Variants in GOSR2 observed in about 807,000 individuals in gnomAD.
The protein encoded by GOSR2 is golgi SNAP receptor complex member 2.
GOSR2 carries 20 observed loss-of-function variants against 27.9 expected under a neutral mutation model. The observed-to-expected ratio is 0.72, with a 90% CI of 0.50 to 1.04. GOSR2 has a LOEUF of 1.04. Ranked by LOEUF, GOSR2 falls within the 50% of genes least tolerant of loss-of-function variation. GOSR2 has a pLI of 0.00. For missense variants in GOSR2, 261 were observed against 270.5 expected (o/e 0.97, Z 0.25); for synonymous variants, 91 against 98.8 (o/e 0.92, Z 0.47).
At chr17:46,967,589 G>C (rs1317447464), downstream of GOSR2, among the ~76,000 whole-genome samples, 2 of 152,202 alleles carry the variant, frequency 1.3e-5, no homozygotes, top group Admixed American at 1.3e-4. Flanking sequence ...TGTGAACTCT[G>C]CAGTGTTCTC....
At chr17:46,935,452 C>G in intron 5 of GOSR2, 1 of 1,397,540 alleles carries the variant, frequency 7.2e-7, no homozygotes, top group East Asian at 2.6e-5. Context: ...AGTGCTACTA[C>G]GAGGGGTCCA....
intron 6 of GOSR2, among the ~76,000 whole-genome samples, chr17:46,959,230 C>T (rs1405579024): frequency 6.6e-6 from 1 of 152,228 alleles, no homozygotes; most frequent in Admixed American, 6.5e-5. Flanking sequence ...TGACTGTGAG[C>T]TCAGAGCAGG....
chr17:46,932,010 C>G, intron 3 of GOSR2, 57 bp from the exon 4 acceptor site: 1 of 1,561,618 alleles, frequency 6.4e-7, no homozygotes, highest in South Asian at 1.1e-5. Flanking sequence ...GCCTGGCCCC[C>G]TCAGATTCTG....
intron 1 of GOSR2, chr17:46,924,611 AT>A (rs963364218): frequency 2.4e-4 from 37 of 152,112 alleles, no homozygotes; most frequent in African/African-American, 8.2e-4. Context: ...TTTCTCTTTC[AT>A]TTTCTAAGTT....
At chr17:46,936,982 G>A in intron 5 of GOSR2, 11 of 208,756 alleles carry the variant, frequency 5.3e-5, no homozygotes, top group Non-Finnish European at 8.3e-5. Context: ...AAAAAAAAAG[G>A]ATATGGGGCA....
chr17:46,932,120 A>T lies in GOSR2; in HGVS notation c.257A>T (p.Asn86Ile). ...DVQHLQTALR[N>I]FQHRRHAREQ... ...CAGCACCTGCAGACTGCGCTCAGAA[A>T]CTTCCAGCATCGGCGCCATGCAAGG... is the stretch of plus-strand genomic sequence containing the variant. The change falls in exon 4 of 6, where the codon AAC (asparagine) becomes ATC (isoleucine). Residue 86 changes from asparagine to isoleucine, a missense_variant. Coordinates refer to ENST00000640051, the MANE Select transcript of GOSR2 (RefSeq NM_004287.5). 5 of 1,613,976 alleles carry T rather than the reference A, an allele frequency of 3.1e-6. No homozygotes were observed. The highest frequency in any genetic ancestry group is 4.2e-6 in the Non-Finnish European group (5 of 1,179,892).
At chr17:46,942,712 C>T (rs1218011604), downstream of GOSR2, among the ~76,000 whole-genome samples, 3 of 152,230 alleles carry the variant, frequency 2.0e-5, no homozygotes, top group African/African-American at 7.2e-5. Flanking sequence ...CCCTAGGGGG[C>T]GGCATAGCCC....
intron 6 of GOSR2, among the ~76,000 whole-genome samples, chr17:46,953,210 A>C: frequency 2.1e-5 from 3 of 146,172 alleles, no homozygotes; most frequent in African/African-American, 5.1e-5. Flanking sequence ...CCCCCACCCC[A>C]CAACAGTCTC....
chr17:46,964,552 G>A (rs1461330107), intron 6 of GOSR2: 1 of 152,454 alleles, frequency 6.6e-6, no homozygotes, highest in Admixed American at 6.5e-5. Flanking sequence ...TGTCCAGCAA[G>A]ACAGAGTGCC....
rs1280620376 is a variant in GOSR2 at position 46,940,652 on chromosome 17, C to A, written c.*1892C>A. 6.2e-7 allele frequency: 1 copy of A among 1,613,748 alleles called. No homozygotes were observed. The highest frequency in any genetic ancestry group is 8.5e-7 in the Non-Finnish European group (1 of 1,179,912). ...GAACTCTGGGAGGCAGAAGTCCCCG[C>A]ACCCATCATGCGTGGACTGATAGGA... On this transcript the variant is annotated 3_prime_UTR_variant, in exon 6 of 6. Coordinates refer to ENST00000640051, the MANE Select transcript of GOSR2 (RefSeq NM_004287.5).
chr17:46,940,627 G>GTCC lies in GOSR2; in HGVS notation c.*1867_*1868insTCC. On this transcript the variant is annotated 3_prime_UTR_variant, in exon 6 of 6. Coordinates refer to ENST00000640051, the MANE Select transcript of GOSR2 (RefSeq NM_004287.5). ...GGGAGCAGCTGAGCCATTTGTTCTT[G>GTCC]AACTCTGGGAGGCAGAAGTCCCCGC... 1.2e-6 allele frequency: 2 copies of GTCC among 1,614,106 alleles called. No homozygotes were observed. Among genetic ancestry groups the GTCC allele is most frequent in the Non-Finnish European group, 1.7e-6 (2 of 1,180,028 alleles).
chr17:46,962,022 T>C (rs893441544), intron 6 of GOSR2, among the ~76,000 whole-genome samples: 1 of 152,036 alleles, frequency 6.6e-6, no homozygotes, highest in Non-Finnish European at 1.5e-5. Context: ...GAGTGGGGCA[T>C]AGTTGGAATT....
chr17:46,943,197 G>A (rs2089496191), downstream of GOSR2, among the ~76,000 whole-genome samples: 1 of 152,082 alleles, frequency 6.6e-6, no homozygotes, highest in South Asian at 2.1e-4. Context: ...CACTTGCAGA[G>A]ACCAACTAGG....
At chr17:46,935,784 G>A (rs2088220012) in intron 5 of GOSR2, 2 of 986,664 alleles carry the variant, frequency 2.0e-6, no homozygotes, top group Admixed American at 6.1e-5. Context: ...CCAGCCCCTG[G>A]GAGTGGTTTA....
At chr17:46,957,847 C>A (rs892277626) in intron 6 of GOSR2, among the ~76,000 whole-genome samples, 1 of 152,122 alleles carries the variant, frequency 6.6e-6, no homozygotes, top group African/African-American at 2.4e-5. Context: ...CCAGACATCT[C>A]CATGGAGGAG....
At chr17:46,973,394 C>T (rs987244714) in intron 6 of GOSR2, among the ~76,000 whole-genome samples, 2 of 152,020 alleles carry the variant, frequency 1.3e-5, no homozygotes, top group Admixed American at 6.6e-5. Context: ...AACTCGTGGG[C>T]TCAAGTGATT....
At chr17:46,970,456 C>A (rs1439882116), downstream of GOSR2, among the ~76,000 whole-genome samples, 1 of 144,172 alleles carries the variant, frequency 6.9e-6, no homozygotes, top group Non-Finnish European at 1.5e-5. Flanking sequence ...AGGAGAATTG[C>A]TTGAACCTGG....
chr17:46,928,486 C>T (rs940387653), intron 1 of GOSR2, among the ~76,000 whole-genome samples: 2 of 152,100 alleles, frequency 1.3e-5, no homozygotes, highest in Non-Finnish European at 2.9e-5. Flanking sequence ...GTGGGGCCAG[C>T]ATAAGCAGTA....
At chr17:46,944,114 A>G (rs1477283800), downstream of GOSR2, among the ~76,000 whole-genome samples, 2 of 152,104 alleles carry the variant, frequency 1.3e-5, no homozygotes, top group Non-Finnish European at 2.9e-5. Context: ...AAGTATTCCA[A>G]CCTCCTCAGA....
Sources: gnomAD v4.1 joint callset for allele counts (sites outside exome capture counted in the v4.1 genomes callset) on GRCh38, gnomAD v4.1.1 for gene constraint, MANE v1.5 for transcripts, NCBI Gene and HGNC (gene_info 2026-07-23, HGNC 2026-07-21) for gene names.